Variants in GRM7 observed in about 807,000 individuals in gnomAD.
GRM7 encodes the protein metabotropic glutamate receptor 7.
A neutral mutation model predicts 84.5 loss-of-function variants in GRM7; 35 were observed. The ratio of observed to expected loss-of-function variants is 0.41; its 90% CI spans 0.32 to 0.55. The LOEUF (loss-of-function observed/expected upper bound fraction) is 0.55. GRM7 is among the 20% of genes least tolerant of loss of function. The pLI is 0.19. For synonymous variants in GRM7, 487 were observed against 455.1 expected (o/e 1.07, Z -0.89); for missense variants, 1,003 against 1,194.6 (o/e 0.84, Z 2.36).
intron 4 of GRM7, among the ~76,000 whole-genome samples, chr3:7,362,639 A>T (rs1303866736): frequency 1.3e-5 from 2 of 152,108 alleles, no homozygotes; most frequent in African/African-American, 4.8e-5. Flanking sequence ...CTTTAGCTGT[A>T]CGATTCATTA....
intron 1 of GRM7, among the ~76,000 whole-genome samples, chr3:7,054,197 T>G (rs1216079775): frequency 2.0e-5 from 3 of 150,584 alleles, no homozygotes; most frequent in African/African-American, 7.3e-5. Context: ...TGTAGGTTCC[T>G]TAAGACTTTC....
chr3:7,347,341 T>C (rs1461197813), intron 4 of GRM7, among the ~76,000 whole-genome samples: 1 of 152,136 alleles, frequency 6.6e-6, no homozygotes. Context: ...AAAAGGATAT[T>C]TGGAACCTAC....
At chr3:7,263,850 A>C (rs1698532825) in intron 2 of GRM7, among the ~76,000 whole-genome samples, 1 of 152,118 alleles carries the variant, frequency 6.6e-6, no homozygotes. Flanking sequence ...GTGGCATAGC[A>C]GGGTGCGTGC....
At chr3:7,276,249 G>GTGTGTGTGTA (rs1336783487) in intron 2 of GRM7, among the ~76,000 whole-genome samples, 2 of 143,590 alleles carry the variant, frequency 1.4e-5, no homozygotes, top group African/African-American at 5.3e-5. Flanking sequence ...GTGTGTGTGT[G>GTGTGTGTGTA]TATATATAAT....
At chr3:7,159,797 G>T (rs748780555) in intron 2 of GRM7, among the ~76,000 whole-genome samples, 3 of 152,102 alleles carry the variant, frequency 2.0e-5, no homozygotes, top group Non-Finnish European at 4.4e-5. Flanking sequence ...AAACCAGGAC[G>T]TCTCCTACTT....
intron 8 of GRM7, among the ~76,000 whole-genome samples, chr3:7,622,592 G>A (rs547494110): frequency 2.6e-5 from 4 of 152,090 alleles, no homozygotes; most frequent in Non-Finnish European, 4.4e-5. Context: ...AGAATACGGT[G>A]GAATTGACAT....
At chr3:6,943,724 C>T (rs920484085) in intron 1 of GRM7, among the ~76,000 whole-genome samples, 1 of 151,994 alleles carries the variant, frequency 6.6e-6, no homozygotes, top group Non-Finnish European at 1.5e-5. Flanking sequence ...TTAACAAAAT[C>T]ACCTGTTGGG....
At chr3:7,279,802 T>C (rs1413960480) in intron 2 of GRM7, among the ~76,000 whole-genome samples, 1 of 152,158 alleles carries the variant, frequency 6.6e-6, no homozygotes, top group Non-Finnish European at 1.5e-5. Flanking sequence ...TGTTTATGTC[T>C]GTGTGTGTGA....
At chr3:7,488,830 A>C (rs1699416127) in intron 7 of GRM7, among the ~76,000 whole-genome samples, 1 of 152,038 alleles carries the variant, frequency 6.6e-6, no homozygotes, top group Non-Finnish European at 1.5e-5. Context: ...TTTGTTCCAC[A>C]TTCTGGAAAC....
intron 2 of GRM7, among the ~76,000 whole-genome samples, chr3:7,239,188 A>G (rs781576359): frequency 1.3e-4 from 19 of 151,582 alleles, no homozygotes; most frequent in Admixed American, 5.3e-4. Context: ...TTTGGTAGAG[A>G]CAGTGTTTTG....
At chr3:7,424,848 G>A (rs184333049) in intron 5 of GRM7, among the ~76,000 whole-genome samples, 6 of 152,266 alleles carry the variant, frequency 3.9e-5, no homozygotes, top group African/African-American at 1.4e-4. Context: ...CAAGTAAGAC[G>A]CTGAGCTAGA....
rs537497828 is a variant in GRM7, at chr3:7,672,046, C to T, written c.2452-8003C>T. The stretch of plus-strand genomic sequence containing the variant: ...AAAAATATTTTTCCTCCCTTGAATC[C>T]TCTTTCTAAAGGATGCAAACTCCCT... On this transcript the variant is annotated intron_variant, in intron 8 of 9. Transcript: ENST00000357716. 3.3e-5 allele frequency among the ~76,000 whole-genome samples: 5 copies of T among 152,028 alleles called. No homozygotes were observed. The South Asian group carries it at 6.2e-4, about 19-fold the overall frequency.
intron 8 of GRM7, among the ~76,000 whole-genome samples, chr3:7,614,095 C>A (rs548170489): frequency 6.6e-6 from 1 of 152,168 alleles, no homozygotes; most frequent in East Asian, 1.9e-4. Flanking sequence ...GAAACTCCGT[C>A]TCTACTAAGA....
chr3:7,555,827 C>G (rs1392104974), intron 7 of GRM7, among the ~76,000 whole-genome samples: 1 of 152,152 alleles, frequency 6.6e-6, no homozygotes, highest in Non-Finnish European at 1.5e-5. Flanking sequence ...CTCCTGCCAT[C>G]TGTATAGCTG....
chr3:7,262,699 G>A (rs1575095983), intron 2 of GRM7, among the ~76,000 whole-genome samples: 2 of 148,212 alleles, frequency 1.3e-5, no homozygotes, highest in Middle Eastern at 6.8e-3. Flanking sequence ...TTGTTTGTTG[G>A]TTGGTTTGTT....
chr3:7,689,011 A>T (rs558649360), intron 9 of GRM7, among the ~76,000 whole-genome samples: 1 of 152,340 alleles, frequency 6.6e-6, no homozygotes, highest in East Asian at 1.9e-4. Flanking sequence ...AAAACTCTGC[A>T]AAGTGTTATC....
At chr3:7,261,659 C>G (rs1246488927) in intron 2 of GRM7, among the ~76,000 whole-genome samples, 2 of 152,134 alleles carry the variant, frequency 1.3e-5, no homozygotes, top group African/African-American at 4.8e-5. Context: ...AGTATACAGA[C>G]TTGTTTGTGT....
intron 2 of GRM7, among the ~76,000 whole-genome samples, chr3:7,208,220 T>A (rs528625810): frequency 1.8e-4 from 27 of 152,334 alleles, no homozygotes; most frequent in African/African-American, 6.5e-4. Flanking sequence ...TTTCAGATAA[T>A]TTTTTCAGTG....
chr3:7,215,763 G>T (rs550823406), intron 2 of GRM7, among the ~76,000 whole-genome samples: 57 of 152,176 alleles, frequency 3.7e-4, no homozygotes, highest in African/African-American at 1.3e-3. Context: ...ATGTCTTATG[G>T]GTCTTAAAGG....
Sources: allele counts gnomAD v4.1 joint callset (sites outside exome capture counted in the v4.1 genomes callset), GRCh38; gene constraint gnomAD v4.1.1; transcripts MANE v1.5; gene names NCBI Gene and HGNC (gene_info 2026-07-23, HGNC 2026-07-21).